Variants in HIC1 observed in about 807,000 individuals in gnomAD.
HIC1 encodes the protein HIC ZBTB transcriptional repressor 1.
Under a neutral mutation model 26.4 loss-of-function variants are expected in HIC1, and 9 were observed. The observed-to-expected ratio is 0.34, with a 90% CI of 0.21 to 0.59. The LOEUF is 0.59. HIC1 is among the 20% of genes least tolerant of loss of function. The pLI is 0.82. For missense variants in HIC1, 965 were observed against 1,075.7 expected, an observed-to-expected ratio of 0.90 and a Z score of 1.44; for synonymous variants, 631 against 523.1, an observed-to-expected ratio of 1.21 and a Z score of -2.81.
Position 2,057,425 on chromosome 17 carries a change from G to GC in HIC1, c.740dup (p.Arg248AlafsTer60). On this transcript the variant is annotated frameshift_variant, in exon 2 of 2. Transcript: ENST00000619757. LOFTEE classifies it high-confidence loss of function. ...AGCGGCCGCTGGCTGAGCGCGAGCT[G>GC]CCCCCGCGCCCGGACAGCCCTCCCA... 7.0e-7 allele frequency: 1 copy of GC among 1,438,276 alleles called. No individual in the cohort carries two copies. Among genetic ancestry groups the GC allele is most frequent in the Non-Finnish European group, 9.1e-7 (1 of 1,103,482 alleles). 89.1% of individuals were successfully genotyped at this position (1,438,276 alleles called of 1,614,324 possible). A position where few individuals can be genotyped will look rare whatever the true frequency, so the allele number is the denominator to read the frequency against.
At chr17:2,056,504 T>G in intron 1 of HIC1, 167 bp from the exon 2 acceptor site, 2 of 1,340,460 alleles carry the variant, frequency 1.5e-6, no homozygotes, top group Non-Finnish European at 1.0e-6. Flanking sequence ...CGGGCCGGCC[T>G]GGGCTCCCAC....
In HIC1 at chr17:2,058,566, T is replaced by G; in HGVS notation, c.1876T>G (p.Phe626Val). 6.4e-7 allele frequency: 1 copy of G among 1,553,820 alleles called. No individual in the cohort carries two copies. Among genetic ancestry groups the G allele is most frequent in the Non-Finnish European group, 8.6e-7 (1 of 1,157,778 alleles). The change falls in exon 2 of 2, where the codon TTC (phenylalanine) becomes GTC (valine). Residue 626 changes from phenylalanine to valine, a missense_variant. By Grantham distance (50) the Phe-to-Val change is conservative (BLOSUM62 -1). Around this residue, in one of 6 missense-constraint regions of HIC1, gnomAD observed 210 missense variants for 179.2 expected, o/e 1.17. Coordinates refer to ENST00000619757, the MANE Select transcript of HIC1 (RefSeq NM_006497.4). ...PGPDGKGKLD[F>V]PEGVFAVARL... ...CCCCGACGGCAAGGGCAAGCTCGAC[T>G]TCCCCGAGGGCGTCTTTGCTGTGGC... is the stretch of plus-strand genomic sequence containing the variant.
At position 2,057,939 on chromosome 17, in the gene HIC1, C is replaced by G. The variant is rs1320014379; in HGVS notation, c.1249C>G (p.Leu417Val). ...CGAGCCCGAGAGCTTCGGTGACAACCTGTACGTGTGCATTCCGTGCGGCAA... is the reference window on the plus strand; with the variant it reads ...CGAGCCCGAGAGCTTCGGTGACAACGTGTACGTGTGCATTCCGTGCGGCAA... ...YGEPESFGDN[L>V]YVCIPCGKGF... The change falls in exon 2 of 2, where the codon CTG (leucine) becomes GTG (valine). Residue 417 changes from leucine to valine, a missense_variant. Physicochemically the swap from Leu to Val is conservative, Grantham distance 32. Coordinates refer to ENST00000619757, the MANE Select transcript of HIC1 (RefSeq NM_006497.4). 2 of 1,610,558 alleles carry G rather than the reference C, an allele frequency of 1.2e-6. No homozygotes were observed. Among genetic ancestry groups the G allele is most frequent in the Non-Finnish European group, 8.5e-7 (1 of 1,178,978 alleles).
rs1236194993 is a variant in HIC1, at chr17:2,059,250, G to T, written c.*415G>T. 1 of 184,528 alleles carries T rather than the reference G, an allele frequency of 5.4e-6. No homozygotes were observed. The highest frequency in any genetic ancestry group is 1.2e-5 in the Non-Finnish European group (1 of 80,492). 11.4% of individuals were successfully genotyped at this position (184,528 alleles called of 1,614,324 possible). On this transcript the variant is annotated 3_prime_UTR_variant, in exon 2 of 2. Coordinates refer to ENST00000619757, the MANE Select transcript of HIC1 (RefSeq NM_006497.4). ...TCTCACTGTGAATCTCCCCGCTGGG[G>T]TCGGAGCGTCGGGCAGAGTTGGGGA... is the stretch of plus-strand genomic sequence containing the variant.
Position 2,058,637 on chromosome 17 carries a change from G to A in HIC1, c.1947G>A (p.Ala649=). Reference sequence around the variant, plus strand: ...TGAGCCTGAAGCAGCAGGACAAGGCGGCCGCGGCCGAGCTGCTGGCGCAGA... The same window carrying A: ...TGAGCCTGAAGCAGCAGGACAAGGCAGCCGCGGCCGAGCTGCTGGCGCAGA... ...EQLSLKQQDK[A]AAAELLAQTT... The change falls in exon 2 of 2, where the codon GCG becomes GCA. Residue 649 remains alanine (A), a synonymous_variant. Transcript: ENST00000619757. 6.4e-7 allele frequency: 1 copy of A among 1,563,692 alleles called. No individual in the cohort carries two copies. Among genetic ancestry groups the A allele is most frequent in the Non-Finnish European group, 8.6e-7 (1 of 1,161,488 alleles).
chr17:2,057,662 C>A lies in HIC1; in HGVS notation c.972C>A (p.Asp324Glu). The part of the protein sequence containing the change: ...KHEPGLGSYG[D>E]ELGRERGSPS... ...AGCCGGGCCTGGGTAGCTATGGCGA[C>A]GAGCTGGGCCGGGAGCGCGGCTCCC... The change falls in exon 2 of 2, where the codon GAC becomes GAA. Residue 324 changes from aspartate (D) to glutamate (E), a missense_variant. Asp to Glu is a conservative substitution (Grantham distance 45, BLOSUM62 2). This residue lies in a region of HIC1 where 526 missense variants were observed against 525.0 expected (regional missense o/e 1.00). Transcript: ENST00000619757. 6.6e-7 allele frequency: 1 copy of A among 1,512,600 alleles called. No homozygotes were observed. The highest frequency in any genetic ancestry group is 8.8e-7 in the Non-Finnish European group (1 of 1,138,128). The allele number at this position is 1,512,600 out of a possible 1,614,324, so 93.7% of individuals were successfully genotyped here.
chr17:2,057,155 G>A lies in HIC1; in HGVS notation c.465G>A (p.Pro155=). Residue 155 remains proline, a synonymous_variant, in exon 2 of 2, where the codon CCG becomes CCA. Coordinates refer to ENST00000619757, the MANE Select transcript of HIC1 (RefSeq NM_006497.4). The part of the protein sequence containing the change: ...GGGGYAPYGR[P]GRGLRAATPV... Reference sequence around the variant, plus strand: ...GCGGCTACGCGCCCTATGGTCGGCCGGGCCGGGGCCTGCGGGCCGCCACGC... The same window carrying A: ...GCGGCTACGCGCCCTATGGTCGGCCAGGCCGGGGCCTGCGGGCCGCCACGC... The A allele has an allele frequency of 7.6e-7, 1 of 1,310,238 alleles. No individual in the cohort carries two copies. Among genetic ancestry groups the A allele is most frequent in the Non-Finnish European group, 9.6e-7 (1 of 1,037,800 alleles). The allele number at this position is 1,310,238 out of a possible 1,614,324, so 81.2% of individuals were successfully genotyped here.
chr17:2,061,470 G>GT lies in HIC1; in HGVS notation c.*2635_*2636insT, dbSNP rs760570965. The stretch of plus-strand genomic sequence containing the variant: ...GCCTTTCAGGAACGGTTCCACGGGG[G>GT]GGGGGCCCCAGTGTGGCTCCCTCAG... On this transcript the variant is annotated 3_prime_UTR_variant, in exon 2 of 2. Coordinates refer to ENST00000619757, the MANE Select transcript of HIC1 (RefSeq NM_006497.4). The GT allele has an allele frequency of 2.6e-6, 4 of 1,565,374 alleles. No individual in the cohort carries two copies. The highest frequency in any genetic ancestry group is 2.7e-5 in the African/African-American group (2 of 73,680).
Position 2,061,587 on chromosome 17 carries a change from A to G in HIC1, c.*2752A>G, listed in dbSNP as rs1467549638. 1 of 1,573,054 alleles carries G rather than the reference A, an allele frequency of 6.4e-7. No individual in the cohort carries two copies. On this transcript the variant is annotated 3_prime_UTR_variant, in exon 2 of 2. Transcript: ENST00000619757. ...ACACGCAGGTTCCGGTCATCCGTCA[A>G]CAGCACCACCTCCCGCAGTAGCCGG... is the stretch of plus-strand genomic sequence containing the variant.
At position 2,057,499 on chromosome 17, in the gene HIC1, T is replaced by TGCC. The variant is rs1489117242; in HGVS notation, c.815_817dup (p.Pro272dup). On this transcript the variant is annotated inframe_insertion, in exon 2 of 2. Coordinates refer to ENST00000619757, the MANE Select transcript of HIC1 (RefSeq NM_006497.4). ...GAGCCGCCTCTCGCCCTGCCGTCGCTGCCGCCGCTGCCCTTCCAGAAGCTG... is the reference window on the plus strand; with the variant it reads ...GAGCCGCCTCTCGCCCTGCCGTCGCTGCCGCCGCCGCTGCCCTTCCAGAAGCTG... The TGCC allele has an allele frequency of 1.3e-6, 2 of 1,486,022 alleles. No homozygotes were observed. Among genetic ancestry groups the TGCC allele is most frequent in the South Asian group, 2.5e-5 (2 of 79,686 alleles). 92.1% of individuals were successfully genotyped at this position (1,486,022 alleles called of 1,614,324 possible). A position where few individuals can be genotyped will look rare whatever the true frequency, so the allele number is the denominator to read the frequency against.
At chr17:2,056,495 G>A in intron 1 of HIC1, 176 bp from the exon 2 acceptor site, 1 of 1,305,762 alleles carries the variant, frequency 7.7e-7, no homozygotes, top group Non-Finnish European at 1.1e-6. Flanking sequence ...TGGTCCGGGC[G>A]GGCCGGCCTG....
Position 2,057,755 on chromosome 17 carries a change from G to C in HIC1, c.1065G>C (p.Leu355=). The C allele has an allele frequency of 7.1e-7, 1 of 1,412,058 alleles. No individual in the cohort carries two copies. Among genetic ancestry groups the C allele is most frequent in the Non-Finnish European group, 9.1e-7 (1 of 1,093,420 alleles). The allele number at this position is 1,412,058 out of a possible 1,614,324, so 87.5% of individuals were successfully genotyped here. Residue 355 remains leucine (L), a synonymous_variant, in exon 2 of 2, where the codon CTG becomes CTC. Coordinates refer to ENST00000619757, the MANE Select transcript of HIC1 (RefSeq NM_006497.4). ...CGCCCGGGGGGCCCCCGCTCGGCCT[G>C]GCGCCGCCGCCGCGCTACCCTGGCA... The part of the protein sequence containing the change: ...AVSPGGPPLG[L]APPPRYPGSL...
In HIC1 at chr17:2,058,856, T is replaced by A. The variant is rs1302283983; in HGVS notation, c.*21T>A. On this transcript the variant is annotated 3_prime_UTR_variant, in exon 2 of 2. Coordinates refer to ENST00000619757, the MANE Select transcript of HIC1 (RefSeq NM_006497.4). Reference sequence around the variant, plus strand: ...CCTAGAGCGCCCCTCGCCAGCCCGCTCTGTCGCTGCTGCGCGGCCCTGGCC... The same window carrying A: ...CCTAGAGCGCCCCTCGCCAGCCCGCACTGTCGCTGCTGCGCGGCCCTGGCC... The A allele has an allele frequency of 3.5e-6, 5 of 1,416,500 alleles. No homozygotes were observed. In the Admixed American group the frequency reaches 1.3e-4, roughly 36 times the overall value. The allele number at this position is 1,416,500 out of a possible 1,614,324, so 87.7% of individuals were successfully genotyped here. A position where few individuals can be genotyped will look rare whatever the true frequency, so the allele number is the denominator to read the frequency against.
rs1266246064 is a variant in HIC1, at chr17:2,059,164, G to A, written c.*329G>A. The A allele has an allele frequency of 3.5e-6, 1 of 283,836 alleles. No homozygotes were observed. The highest frequency in any genetic ancestry group is 6.9e-6 in the Non-Finnish European group (1 of 144,184). The allele number at this position is 283,836 out of a possible 1,614,324, so 17.6% of individuals were successfully genotyped here. A position where few individuals can be genotyped will look rare whatever the true frequency, so the allele number is the denominator to read the frequency against. ...CCGGCTCCGCGCTGCTCTTAGAGGGGGAGGGGTGTCACTGTCGGGGCACTC... is the reference window on the plus strand; with the variant it reads ...CCGGCTCCGCGCTGCTCTTAGAGGGAGAGGGGTGTCACTGTCGGGGCACTC... On this transcript the variant is annotated 3_prime_UTR_variant, in exon 2 of 2. Coordinates refer to ENST00000619757, the MANE Select transcript of HIC1 (RefSeq NM_006497.4).
In HIC1 at chr17:2,058,483, G is replaced by A. The variant is rs1465453896; in HGVS notation, c.1793G>A (p.Gly598Asp). ...ISHMKMHAVG[G>D]AAGAAGALAG... The stretch of plus-strand genomic sequence containing the variant: ...CACATGAAGATGCACGCCGTGGGGG[G>A]CGCGGCCGGCGCGGCCGGGGCGCTG... The change falls in exon 2 of 2, where the codon GGC becomes GAC. Residue 598 changes from glycine (G) to aspartate (D), a missense_variant. Gly to Asp is a moderately conservative substitution (Grantham distance 94, BLOSUM62 -1). Coordinates refer to ENST00000619757, the MANE Select transcript of HIC1 (RefSeq NM_006497.4). 2 of 1,476,196 alleles carry A rather than the reference G, an allele frequency of 1.4e-6. No homozygotes were observed. The highest frequency in any genetic ancestry group is 2.9e-5 in the South Asian group (2 of 70,060). 91.4% of individuals were successfully genotyped at this position (1,476,196 alleles called of 1,614,324 possible).
rs1261139671 is a variant in HIC1, at chr17:2,061,453, G to C, written c.*2618G>C. On this transcript the variant is annotated 3_prime_UTR_variant, in exon 2 of 2. Transcript: ENST00000619757. The stretch of plus-strand genomic sequence containing the variant: ...ACACTGGGCGCCTGGTGGCCTTTCA[G>C]GAACGGTTCCACGGGGGGGGGGCCC... 2 of 1,506,512 alleles carry C rather than the reference G, an allele frequency of 1.3e-6. No homozygotes were observed. Among genetic ancestry groups the C allele is most frequent in the African/African-American group, 3.3e-5 (2 of 60,740 alleles). 93.3% of individuals were successfully genotyped at this position (1,506,512 alleles called of 1,614,324 possible).
At position 2,058,907 on chromosome 17, in the gene HIC1, G is replaced by A; in HGVS notation, c.*72G>A. 7.9e-7 allele frequency: 1 copy of A among 1,269,590 alleles called. No individual in the cohort carries two copies. The highest frequency in any genetic ancestry group is 1.0e-6 in the Non-Finnish European group (1 of 977,074). 78.6% of individuals were successfully genotyped at this position (1,269,590 alleles called of 1,614,324 possible). A position where few individuals can be genotyped will look rare whatever the true frequency, so the allele number is the denominator to read the frequency against. ...CGCACCCCAGGGAGCGGCGGGGGCG[G>A]CGCGCAGGGCCCACTGTGCCCGGGA... On this transcript the variant is annotated 3_prime_UTR_variant, in exon 2 of 2. Coordinates refer to ENST00000619757, the MANE Select transcript of HIC1 (RefSeq NM_006497.4).
In HIC1 at chr17:2,057,584, G is replaced by C; in HGVS notation, c.894G>C (p.Glu298Asp). 6.6e-7 allele frequency: 1 copy of C among 1,504,524 alleles called. No individual in the cohort carries two copies. Among genetic ancestry groups the C allele is most frequent in the East Asian group, 2.8e-5 (1 of 36,340 alleles). The allele number at this position is 1,504,524 out of a possible 1,614,324, so 93.2% of individuals were successfully genotyped here. A position where few individuals can be genotyped will look rare whatever the true frequency, so the allele number is the denominator to read the frequency against. The stretch of plus-strand genomic sequence containing the variant: ...GCGGCAGCGGCAGCCCGGGACCCGA[G>C]CCCCCCGGCCGCCCCGACGGGCCTA... ...FRGGSGSPGP[E>D]PPGRPDGPSL... The change falls in exon 2 of 2, where the codon GAG (glutamate) becomes GAC (aspartate). Residue 298 changes from glutamate (E) to aspartate (D), a missense_variant. Transcript: ENST00000619757.
At position 2,058,146 on chromosome 17, in the gene HIC1, C is replaced by T; in HGVS notation, c.1456C>T (p.Arg486Trp). The T allele has an allele frequency of 1.2e-6, 2 of 1,607,366 alleles. No homozygotes were observed. Among genetic ancestry groups the T allele is most frequent in the South Asian group, 1.1e-5 (1 of 90,898 alleles). The stretch of plus-strand genomic sequence containing the variant: ...TCCGGGTGGCCTGGGAGAGCTGCTG[C>T]GGCCCTACCGCTGCGCGTCGTGCGA... ...GAPGGLGELLRPYRCASCDKS... is the reference protein window; with the variant it reads ...GAPGGLGELLWPYRCASCDKS... Residue 486 changes from arginine (R) to tryptophan (W), a missense_variant, in exon 2 of 2, where the codon CGG (arginine) becomes TGG (tryptophan). This residue lies in a region of HIC1 where 105 missense variants were observed against 101.4 expected (regional missense o/e 1.04). Transcript: ENST00000619757.
Sources: gnomAD v4.1 joint callset for allele counts on GRCh38, gnomAD v4.1.1 for gene constraint, gnomAD v4.1.1 regional missense constraint, MANE v1.5 for transcripts, NCBI Gene and HGNC (gene_info 2026-07-23, HGNC 2026-07-21) for gene names.